SLC13A4: variants seen among roughly 807,000 people sequenced by gnomAD.
The protein encoded by SLC13A4 is Na(+)/sulfate cotransporter SUT-1.
SLC13A4 carries 28 observed loss-of-function variants against 72.7 expected under a neutral mutation model. That is an observed-to-expected ratio of 0.39 (90% CI 0.29 to 0.53). The LOEUF is 0.53. Among genes scored for constraint, SLC13A4 ranks in the 20% least tolerant of loss-of-function variants. SLC13A4 has a pLI of 0.78. For synonymous variants in SLC13A4, 312 were observed against 325.5 expected, an observed-to-expected ratio of 0.96 and a Z score of 0.45; for missense variants, 653 against 788.0, an observed-to-expected ratio of 0.83 and a Z score of 2.05.
Position 135,684,203 on chromosome 7 carries a change from G to A in SLC13A4, c.1667C>T (p.Ser556Phe). ...YTLIPVTMCI[S>F]FAVMLPVGNP... ...GCCCACAGGCAGCATCACTGCAAAG[G>A]AGATGCACATGGTGACTGGGATCAG... is the stretch of plus-strand genomic sequence containing the variant. Residue 556 changes from serine to phenylalanine, a missense_variant, in exon 15 of 16, where the codon TCC becomes TTC. Ser to Phe is a radical substitution (Grantham distance 155). Coordinates refer to ENST00000682651, the MANE Select transcript of SLC13A4 (RefSeq NM_001318192.2). 1 of 1,613,336 alleles carries A rather than the reference G, an allele frequency of 6.2e-7. No homozygotes were observed. The highest frequency in any genetic ancestry group is 8.5e-7 in the Non-Finnish European group (1 of 1,179,572).
rs1010261736 is a variant in SLC13A4, at chr7:135,692,311, G to A, written c.1223+12C>T. On this transcript the variant is annotated intron_variant, in intron 11 of 15. Coordinates refer to ENST00000682651, the MANE Select transcript of SLC13A4 (RefSeq NM_001318192.2). ...AGGGGGTTGTTCTTAAGGAGGAAAT[G>A]ATATCACTTACTTTTCAAAGAAAGA... The A allele has an allele frequency of 2.5e-6, 4 of 1,588,832 alleles. No homozygotes were observed. In the African/African-American group the frequency reaches 4.0e-5, roughly 16 times the overall value.
chr7:135,727,241 A>G (rs907210942), intron 1 of SLC13A4, among the ~76,000 whole-genome samples, 157 bp downstream of exon 1: 5 of 152,130 alleles, frequency 3.3e-5, no homozygotes, highest in African/African-American at 4.8e-5. Context: ...TAGGAAGAAG[A>G]TATCTTGGTT....
chr7:135,710,965 T>C (rs1299752426), intron 2 of SLC13A4, among the ~76,000 whole-genome samples: 1 of 27,902 alleles, frequency 3.6e-5, no homozygotes, highest in Non-Finnish European at 6.7e-5. Flanking sequence ...GAGTCCACTC[T>C]GAGAGGGCGG....
chr7:135,701,556 A>G (rs1235878294), intron 7 of SLC13A4, 124 bp downstream of exon 7: 2 of 910,528 alleles, frequency 2.2e-6, no homozygotes, highest in Non-Finnish European at 3.5e-6. Flanking sequence ...CATGTATGAG[A>G]GTAATGAGTG....
intron 8 of SLC13A4, among the ~76,000 whole-genome samples, chr7:135,697,602 T>C (rs80238398): frequency 7.2e-4 from 107 of 149,300 alleles, no homozygotes; most frequent in East Asian, 3.2e-3. Flanking sequence ...TTTTTTTTTT[T>C]CTTTTTCATC....
chr7:135,721,442 C>G lies in SLC13A4; in HGVS notation c.181G>C (p.Val61Leu), dbSNP rs765161758. Residue 61 changes from valine (V) to leucine (L), a missense_variant, in exon 2 of 16, where the codon GTG becomes CTG. Physicochemically the swap from Val to Leu is conservative, Grantham distance 32. Coordinates refer to ENST00000682651, the MANE Select transcript of SLC13A4 (RefSeq NM_001318192.2). ...AAGAACGGGTAAAGGAAGGCCGGCA[C>G]CAGGGCTGCAGCTCCCAGAGGCACT... is the stretch of plus-strand genomic sequence containing the variant. ...EAVPLGAAAL[V>L]PAFLYPFFGV... 1 of 1,614,122 alleles carries G rather than the reference C, an allele frequency of 6.2e-7. No homozygotes were observed. Among genetic ancestry groups the G allele is most frequent in the Admixed American group, 1.7e-5 (1 of 60,016 alleles).
chr7:135,727,667 T>A lies in SLC13A4; in HGVS notation c.-171A>T. On this transcript the variant is annotated 5_prime_UTR_variant, in exon 1 of 16. Transcript: ENST00000682651. ...AGGGCAGTTATACCCTCGCTGTTTC[T>A]ACAAGAGGCTGGGCTCCTGGCCTCC... 1.3e-6 allele frequency: 1 copy of A among 748,392 alleles called. No homozygotes were observed. Among genetic ancestry groups the A allele is most frequent in the Non-Finnish European group, 2.0e-6 (1 of 490,616 alleles). 46.4% of individuals were successfully genotyped at this position (748,392 alleles called of 1,614,324 possible). A position where few individuals can be genotyped will look rare whatever the true frequency, so the allele number is the denominator to read the frequency against.
intron 2 of SLC13A4, among the ~76,000 whole-genome samples, chr7:135,714,613 C>A (rs149362693): frequency 6.6e-6 from 1 of 152,318 alleles, no homozygotes; most frequent in African/African-American, 2.4e-5. Flanking sequence ...CACATGCCCA[C>A]GGGCCCGCAT....
intron 5 of SLC13A4, chr7:135,703,742 A>T (rs1292555834): frequency 6.6e-6 from 1 of 152,300 alleles, no homozygotes; most frequent in Non-Finnish European, 1.5e-5. Context: ...GGGCACACAC[A>T]TGCGGGATGT....
At chr7:135,706,391 G>C in intron 3 of SLC13A4, 91 bp from the exon 4 acceptor site, 1 of 1,361,800 alleles carries the variant, frequency 7.3e-7, no homozygotes, top group South Asian at 1.4e-5. Context: ...GCTGGGGCTG[G>C]TCTAGACAGC....
chr7:135,727,497 C>T lies in SLC13A4; in HGVS notation c.-1G>A, dbSNP rs1796692287. ...GGAGCAGGCCCTGCAGCAGGCCCAT[C>T]GCGCCTCTGTCCTCTCCAGCTCGTC... On this transcript the variant is annotated 5_prime_UTR_variant, in exon 1 of 16. Transcript: ENST00000682651. The T allele has an allele frequency of 2.6e-6, 4 of 1,550,218 alleles. No individual in the cohort carries two copies. In the South Asian group the frequency reaches 3.6e-5, roughly 14 times the overall value.
At chr7:135,713,785 C>G (rs1796357257) in intron 2 of SLC13A4, among the ~76,000 whole-genome samples, 1 of 152,204 alleles carries the variant, frequency 6.6e-6, no homozygotes, top group African/African-American at 2.4e-5. Context: ...CCATGTTGGC[C>G]AGGCTGGTCT....
intron 12 of SLC13A4, 97 bp downstream of exon 12, chr7:135,691,451 G>GCCCC: frequency 1.7e-6 from 1 of 591,366 alleles, no homozygotes; most frequent in Non-Finnish European, 3.1e-6. Context: ...GGAGGGGGGT[G>GCCCC]GGAATCTGAA....
At chr7:135,692,066 A>G (rs1467944243) in intron 11 of SLC13A4, 1 of 499,040 alleles carries the variant, frequency 2.0e-6, no homozygotes, top group Non-Finnish European at 3.5e-6. Context: ...TTTAACTTTC[A>G]TAACCACCTA....
intron 2 of SLC13A4, among the ~76,000 whole-genome samples, chr7:135,718,093 G>T (rs74483014): frequency 6.9e-6 from 1 of 144,654 alleles, no homozygotes; most frequent in African/African-American, 2.8e-5. Context: ...ACACACGCGC[G>T]CGCGCGCACG....
rs1584732678 is a variant in SLC13A4, at chr7:135,708,368, A to G, written c.229-118T>C. 3.7e-6 allele frequency: 5 copies of G among 1,339,502 alleles called. No homozygotes were observed. The South Asian group carries it at 4.1e-5, about 11-fold the overall frequency. 83.0% of individuals were successfully genotyped at this position (1,339,502 alleles called of 1,614,324 possible). ...TGTTCTCAATCAAAGAGGCTGGCGA[A>G]GGGGAGGCAGGGGGGTGAGGATTAT... On this transcript the variant is annotated intron_variant, in intron 2 of 15. Coordinates refer to ENST00000682651, the MANE Select transcript of SLC13A4 (RefSeq NM_001318192.2).
At chr7:135,697,671 A>C (rs1451203922) in intron 8 of SLC13A4, among the ~76,000 whole-genome samples, 2 of 151,208 alleles carry the variant, frequency 1.3e-5, no homozygotes, top group Non-Finnish European at 2.9e-5. Flanking sequence ...AAAATTCTTT[A>C]AAAGCATCTC....
intron 6 of SLC13A4, 35 bp downstream of exon 6, chr7:135,702,810 T>C (rs762798684): frequency 1.3e-5 from 21 of 1,592,570 alleles, no homozygotes; most frequent in Non-Finnish European, 1.6e-5. Flanking sequence ...GATTTTCAAG[T>C]GATTCCAAAG....
chr7:135,699,311 C>T (rs1435114873), intron 8 of SLC13A4, 53 bp downstream of exon 8: 56 of 1,508,642 alleles, frequency 3.7e-5, no homozygotes, highest in Non-Finnish European at 4.8e-5. Flanking sequence ...TAGTCCAGTT[C>T]CTGACACACA....
Sources: allele counts gnomAD v4.1 joint callset (sites outside exome capture counted in the v4.1 genomes callset), GRCh38; gene constraint gnomAD v4.1.1; transcripts MANE v1.5; gene names NCBI Gene and HGNC (gene_info 2026-07-23, HGNC 2026-07-21).